The following CDYL2 variants were observed in gnomAD, a reference collection of about 807,000 sequenced individuals.
CDYL2 encodes the protein chromodomain Y-like protein 2.
In CDYL2, 23 loss-of-function variants were observed where a neutral mutation model predicts 49.4. The observed-to-expected ratio is 0.47, with a 90% CI of 0.34 to 0.66. The LOEUF (loss-of-function observed/expected upper bound fraction) is 0.66, where lower values mean the gene tolerates loss of function less well. Ranked by LOEUF, CDYL2 falls within the 30% of genes least tolerant of loss-of-function variation. The probability of loss-of-function intolerance (pLI) is 0.01; values close to 1 mark genes in which losing one functional copy is unlikely to be tolerated. For missense variants in CDYL2, 678 were observed against 656.4 expected (o/e 1.03, Z -0.36); for synonymous variants, 360 against 268.8 (o/e 1.34, Z -3.32).
At chr16:80,803,009 C>A (rs1025402698) in intron 1 of CDYL2, among the ~76,000 whole-genome samples, 1 of 152,352 alleles carries the variant, frequency 6.6e-6, no homozygotes, top group South Asian at 2.1e-4. Flanking sequence ...ACCCATGCGG[C>A]TGGTTTCACG....
At chr16:80,619,951 C>T (rs1346285417) in intron 4 of CDYL2, among the ~76,000 whole-genome samples, 2 of 152,170 alleles carry the variant, frequency 1.3e-5, no homozygotes, top group Admixed American at 6.5e-5. Context: ...CCCAGAAAAT[C>T]CCTGACTTGT....
rs1414723778 is a variant in CDYL2, at chr16:80,620,841, C to T, written c.929G>A (p.Gly310Asp). The T allele has an allele frequency of 1.9e-6, 3 of 1,613,592 alleles. No individual in the cohort carries two copies. In the African/African-American group the frequency reaches 4.0e-5, roughly 22 times the overall value. The change falls in exon 4 of 7, where the codon GGC becomes GAC. Residue 310 changes from glycine to aspartate, a missense_variant. Coordinates refer to ENST00000570137, the MANE Select transcript of CDYL2 (RefSeq NM_152342.4). ...LSAVGSVFCS[G>D]LDYSYLIGRL... Reference sequence around the variant, plus strand: ...GCCAATTAGGTAGGAATAATCCAGGCCGCTGCAGAACACGCTCCCCACTGC... The same window carrying T: ...GCCAATTAGGTAGGAATAATCCAGGTCGCTGCAGAACACGCTCCCCACTGC...
intron 6 of CDYL2, 132 bp downstream of exon 6, chr16:80,607,960 A>C: frequency 9.3e-7 from 1 of 1,077,544 alleles, no homozygotes; most frequent in Non-Finnish European, 1.3e-6. Flanking sequence ...GCATTTGTTA[A>C]ATTGCAAAGG....
At position 80,632,885 on chromosome 16, in the gene CDYL2, T is replaced by C. The variant is rs1265806047; in HGVS notation, c.834+134A>G. The C allele has an allele frequency of 5.2e-6, 4 of 765,532 alleles. No individual in the cohort carries two copies. In the East Asian group the frequency reaches 8.0e-5, roughly 15 times the overall value. The allele number at this position is 765,532 out of a possible 1,614,324, so 47.4% of individuals were successfully genotyped here. A position where few individuals can be genotyped will look rare whatever the true frequency, so the allele number is the denominator to read the frequency against. ...GTAAAATGATGAGCAAATTGCGCGC[T>C]GCAGTCAAGTTTTTATGCACGCTAG... is the stretch of plus-strand genomic sequence containing the variant. On this transcript the variant is annotated intron_variant, in intron 3 of 6. Coordinates refer to ENST00000570137, the MANE Select transcript of CDYL2 (RefSeq NM_152342.4).
intron 1 of CDYL2, among the ~76,000 whole-genome samples, chr16:80,757,348 T>C (rs922454698): frequency 6.6e-6 from 1 of 152,074 alleles, no homozygotes; most frequent in Non-Finnish European, 1.5e-5. Context: ...GAGACCAGCC[T>C]GGGCAACATA....
chr16:80,706,893 C>T (rs1469911653), intron 1 of CDYL2, among the ~76,000 whole-genome samples: 4 of 152,170 alleles, frequency 2.6e-5, no homozygotes, highest in East Asian at 3.9e-4. Flanking sequence ...TTCAGTTACA[C>T]GGCCAACTGA....
Position 80,777,383 on chromosome 16 carries a change from C to T in CDYL2, c.24+26767G>A, listed in dbSNP as rs560336711. Among the ~76,000 whole-genome samples the T allele has an allele frequency of 5.9e-5, 9 of 151,358 alleles. No individual in the cohort carries two copies. In the East Asian group the frequency reaches 1.6e-3, roughly 26 times the overall value. On this transcript the variant is annotated intron_variant, in intron 1 of 6. Transcript: ENST00000570137. ...GAATGAATGATAAGTCAGAGAAACA[C>T]TGAAACAGAGCAAGAAAAGACTGCA...
intron 1 of CDYL2, among the ~76,000 whole-genome samples, chr16:80,739,630 G>A (rs574598445): frequency 1.3e-5 from 2 of 152,224 alleles, no homozygotes; most frequent in African/African-American, 4.8e-5. Flanking sequence ...TGCCTCCCAG[G>A]AGTGTGCTGG....
intron 1 of CDYL2, among the ~76,000 whole-genome samples, chr16:80,705,673 G>C (rs972682607): frequency 1.6e-4 from 24 of 152,374 alleles, no homozygotes; most frequent in African/African-American, 5.3e-4. Flanking sequence ...TGAAGGCCCA[G>C]ATGGTAAATA....
At chr16:80,621,597 G>T (rs1435178881) in intron 3 of CDYL2, among the ~76,000 whole-genome samples, 2 of 152,220 alleles carry the variant, frequency 1.3e-5, no homozygotes, top group Non-Finnish European at 2.9e-5. Context: ...CTCCAGTGAA[G>T]AATAAATGAA....
rs1474689994 is a variant in CDYL2, at chr16:80,749,619, A to C, written c.24+54531T>G. Among the ~76,000 whole-genome samples, 4 of 152,320 alleles carry C rather than the reference A, an allele frequency of 2.6e-5. No individual in the cohort carries two copies. In the East Asian group the frequency reaches 7.7e-4, roughly 29 times the overall value. ...AACTCTTGGCTAAGGAAGGTAATCC[A>C]AATTATCAGCTACCTACAAAATAAG... On this transcript the variant is annotated intron_variant, in intron 1 of 6. Transcript: ENST00000570137.
At chr16:80,713,758 G>C (rs1450018444) in intron 1 of CDYL2, among the ~76,000 whole-genome samples, 3 of 152,080 alleles carry the variant, frequency 2.0e-5, no homozygotes, top group African/African-American at 7.2e-5. Flanking sequence ...TGACTTCTAT[G>C]GCTATATCAT....
intron 2 of CDYL2, among the ~76,000 whole-genome samples, chr16:80,669,757 C>A (rs189056805): frequency 5.9e-5 from 9 of 152,336 alleles, no homozygotes; most frequent in African/African-American, 2.2e-4. Context: ...TGCAAAAGCT[C>A]CCTGAGCACC....
At chr16:80,793,713 A>G (rs919070522) in intron 1 of CDYL2, among the ~76,000 whole-genome samples, 1 of 152,200 alleles carries the variant, frequency 6.6e-6, no homozygotes, top group African/African-American at 2.4e-5. Context: ...TTCCCTAACA[A>G]TATGTTTCCA....
chr16:80,708,908 A>T (rs1034483438), intron 1 of CDYL2, among the ~76,000 whole-genome samples: 2 of 152,196 alleles, frequency 1.3e-5, no homozygotes, highest in Non-Finnish European at 2.9e-5. Context: ...ATATTTAAAG[A>T]TATAAAAAAT....
At chr16:80,736,635 G>A (rs1905541735) in intron 1 of CDYL2, 1 of 152,222 alleles carries the variant, frequency 6.6e-6, no homozygotes, top group Admixed American at 6.5e-5. Flanking sequence ...ATAAGGCTGG[G>A]TATAGTGGCT....
At chr16:80,604,876 T>C (rs1906262682) in intron 6 of CDYL2, among the ~76,000 whole-genome samples, 1 of 152,214 alleles carries the variant, frequency 6.6e-6, no homozygotes, top group Non-Finnish European at 1.5e-5. Context: ...GACACTGTTT[T>C]AACCTCCCGT....
Position 80,604,492 on chromosome 16 carries a change from C to A in CDYL2, c.1417G>T (p.Asp473Tyr). 6.2e-7 allele frequency: 1 copy of A among 1,614,206 alleles called. No homozygotes were observed. Among genetic ancestry groups the A allele is most frequent in the South Asian group, 1.1e-5 (1 of 91,088 alleles). ...VRSFLKSVLE[D>Y]VNEKECLMLK... ...ATGAGGCATTCCTTCTCGTTCACGT[C>A]TTCCAGCACTGATTTCAGGAAGCTC... Residue 473 changes from aspartate to tyrosine, a missense_variant, in exon 7 of 7, where the codon GAC becomes TAC. Physicochemically the swap from Asp to Tyr is radical, Grantham distance 160 (BLOSUM62 -3). Around this residue, in one of 3 missense-constraint regions of CDYL2, gnomAD observed 153 missense variants for 150.6 expected, o/e 1.02. Transcript: ENST00000570137.
intron 2 of CDYL2, among the ~76,000 whole-genome samples, chr16:80,652,761 T>C (rs969988985): frequency 1.3e-5 from 2 of 152,038 alleles, no homozygotes; most frequent in Non-Finnish European, 2.9e-5. Context: ...CCCTCTGGGG[T>C]CCCTCCTCCC....
Sources: gnomAD v4.1 joint callset for allele counts (sites outside exome capture counted in the v4.1 genomes callset) on GRCh38, gnomAD v4.1.1 for gene constraint, gnomAD v4.1.1 regional missense constraint, MANE v1.5 for transcripts, NCBI Gene and HGNC (gene_info 2026-07-23, HGNC 2026-07-21) for gene names.